Variants in IL1RAPL2 observed in about 807,000 individuals in gnomAD.
IL1RAPL2 encodes the protein X-linked interleukin-1 receptor accessory protein-like 2.
Under a neutral mutation model 44.1 loss-of-function variants are expected in IL1RAPL2, and 3 were observed. The observed-to-expected ratio is 0.07, with a 90% CI of 0.03 to 0.18. The LOEUF (loss-of-function observed/expected upper bound fraction) is 0.18, where lower values mean the gene tolerates loss of function less well. Ranked by LOEUF, IL1RAPL2 falls within the 10% of genes least tolerant of loss-of-function variation. The pLI, the probability that IL1RAPL2 is intolerant of heterozygous loss-of-function variation, is 1.00. For synonymous variants in IL1RAPL2, 181 were observed against 178.8 expected (o/e 1.01, Z -0.10); for missense variants, 391 against 496.4 (o/e 0.79, Z 2.02).
chrX:105,112,381 C>A (rs755562452), intron 2 of IL1RAPL2, among the ~76,000 whole-genome samples: 4 of 111,998 alleles, frequency 3.6e-5, no homozygotes, highest in Non-Finnish European at 5.6e-5. Flanking sequence ...ATCACACACA[C>A]AAATATGCAA....
intron 4 of IL1RAPL2, among the ~76,000 whole-genome samples, chrX:105,260,221 C>G (rs938687198): frequency 1.8e-5 from 2 of 112,031 alleles, no homozygotes; most frequent in African/African-American, 6.5e-5. Context: ...CTTGGGCACT[C>G]CAAAGCCCCA....
chrX:104,647,863 C>T (rs1930075760), intron 1 of IL1RAPL2: 5 of 609,809 alleles, frequency 8.2e-6, no homozygotes, highest in Non-Finnish European at 1.4e-5. Flanking sequence ...CCACAATGTC[C>T]TGTACTCCAC....
intron 2 of IL1RAPL2, among the ~76,000 whole-genome samples, chrX:104,882,940 C>T (rs1026806462): frequency 1.1e-4 from 12 of 111,113 alleles, no homozygotes; most frequent in East Asian, 2.9e-4. Context: ...ACACACACTG[C>T]GAAGGTCTGC....
At chrX:104,585,346 T>TATATA (rs1928525250) in intron 1 of IL1RAPL2, among the ~76,000 whole-genome samples, 1 of 14,144 alleles carries the variant, frequency 7.1e-5, no homozygotes, top group African/African-American at 4.4e-4. Context: ...TTATATATTA[T>TATATA]ATATATTATA....
intron 2 of IL1RAPL2, among the ~76,000 whole-genome samples, chrX:105,170,986 A>G (rs1319158205): frequency 9.0e-6 from 1 of 111,444 alleles, no homozygotes; most frequent in Non-Finnish European, 1.9e-5. Context: ...AAAGGGTGGT[A>G]GACTTCCCCT....
At chrX:105,083,246 C>T (rs56102055) in intron 2 of IL1RAPL2, among the ~76,000 whole-genome samples, 2,289 of 66,208 alleles carry the variant, frequency 0.035, 21 homozygotes, top group Non-Finnish European at 0.049. Context: ...GAAGACAAGG[C>T]TAGAGAAAAA....
At chrX:105,005,898 C>A (rs1001868501) in intron 2 of IL1RAPL2, among the ~76,000 whole-genome samples, 4 of 110,714 alleles carry the variant, frequency 3.6e-5, no homozygotes, top group Admixed American at 9.7e-5. Flanking sequence ...AAGTAATGAG[C>A]AGAGTTTTGG....
chrX:104,696,632 A>G (rs993796282), intron 2 of IL1RAPL2, among the ~76,000 whole-genome samples: 46 of 111,969 alleles, frequency 4.1e-4, no homozygotes, highest in Non-Finnish European at 1.7e-4. Context: ...TGGAGTTCAC[A>G]TAGTAGGAAA....
intron 1 of IL1RAPL2, among the ~76,000 whole-genome samples, chrX:104,635,846 C>G (rs1191089077): frequency 1.8e-5 from 2 of 111,925 alleles, no homozygotes; most frequent in Non-Finnish European, 3.8e-5. Flanking sequence ...CTCAACTCGT[C>G]AAAGTCATTC....
intron 2 of IL1RAPL2, among the ~76,000 whole-genome samples, chrX:105,104,989 GATAAC>G (rs1368092942): frequency 1.8e-5 from 2 of 111,814 alleles, no homozygotes; most frequent in Non-Finnish European, 3.8e-5. Flanking sequence ...AAAGCCCCCT[GATAAC>G]AAGTCTTGTT....
intron 2 of IL1RAPL2, among the ~76,000 whole-genome samples, chrX:105,136,820 C>T (rs2033080605): frequency 8.9e-6 from 1 of 111,920 alleles, no homozygotes; most frequent in Admixed American, 9.5e-5. Context: ...TGGAGAAGTC[C>T]ATTTCAATGT....
chrX:104,703,244 ACCAATTAATCTG>A (rs973269199), intron 2 of IL1RAPL2, among the ~76,000 whole-genome samples: 1 of 111,252 alleles, frequency 9.0e-6, no homozygotes, highest in Non-Finnish European at 1.9e-5. Context: ...ATGAAGGCAG[ACCAATTAATCTG>A]CCATCCATAG....
intron 1 of IL1RAPL2, among the ~76,000 whole-genome samples, chrX:104,620,427 C>T (rs1249276647): frequency 9.3e-6 from 1 of 107,379 alleles, no homozygotes; most frequent in Non-Finnish European, 1.9e-5. Flanking sequence ...ATCACAGGGT[C>T]AGGAGATCGA....
At chrX:105,209,244 A>G (rs782406078) in intron 3 of IL1RAPL2, among the ~76,000 whole-genome samples, 3 of 112,108 alleles carry the variant, frequency 2.7e-5, no homozygotes, top group Non-Finnish European at 5.6e-5. Context: ...TGAAACAAAG[A>G]TAAAAAAAAT....
chrX:104,825,162 G>A (rs1921419009), intron 2 of IL1RAPL2, among the ~76,000 whole-genome samples: 1 of 111,445 alleles, frequency 9.0e-6, no homozygotes, highest in South Asian at 3.8e-4. Flanking sequence ...GTTCTCAGGG[G>A]AGATGATCTG....
chrX:105,132,399 G>T (rs897922563), intron 2 of IL1RAPL2, among the ~76,000 whole-genome samples: 3 of 110,505 alleles, frequency 2.7e-5, no homozygotes, highest in Non-Finnish European at 5.7e-5. Context: ...AGATAATTTC[G>T]CCATTTAAAA....
chrX:104,679,424 A>G (rs920171574), intron 2 of IL1RAPL2, among the ~76,000 whole-genome samples: 1 of 112,051 alleles, frequency 8.9e-6, no homozygotes, highest in East Asian at 2.8e-4. Flanking sequence ...ATGAACACTG[A>G]CCACAGCATT....
At chrX:104,870,822 G>GT (rs1365333603) in intron 2 of IL1RAPL2, among the ~76,000 whole-genome samples, 1 of 111,157 alleles carries the variant, frequency 9.0e-6, no homozygotes, top group Non-Finnish European at 1.9e-5. Flanking sequence ...CTTTTATTTT[G>GT]TTTTTTGTTA....
intron 5 of IL1RAPL2, among the ~76,000 whole-genome samples, chrX:105,447,613 A>G (rs1433587709): frequency 3.7e-5 from 3 of 80,162 alleles, no homozygotes; most frequent in African/African-American, 5.1e-5. Context: ...ATATAAATAT[A>G]TAAACATAAA....
Sources: gnomAD v4.1 joint callset for allele counts (sites outside exome capture counted in the v4.1 genomes callset) on GRCh38, gnomAD v4.1.1 for gene constraint, MANE v1.5 for transcripts, NCBI Gene and HGNC (gene_info 2026-07-23, HGNC 2026-07-21) for gene names.